Variants in XIRP2 observed in about 807,000 individuals in gnomAD.
XIRP2 encodes the protein xin actin binding repeat containing 2.
Under a neutral mutation model 277.0 loss-of-function variants are expected in XIRP2, and 236 were observed. The observed-to-expected ratio is 0.85, with a 90% CI of 0.77 to 0.95. The LOEUF is 0.95. XIRP2 is among the 40% of genes least tolerant of loss of function. The probability of loss-of-function intolerance (pLI) is 0.00; values close to 1 mark genes in which losing one functional copy is unlikely to be tolerated. For missense variants in XIRP2, 4,640 were observed against 4,157.5 expected (o/e 1.12, Z -3.19); for synonymous variants, 1,490 against 1,416.5 (o/e 1.05, Z -1.17).
At chr2:166,935,090 C>G (rs1685456624) in intron 2 of XIRP2, among the ~76,000 whole-genome samples, 2 of 151,286 alleles carry the variant, frequency 1.3e-5, no homozygotes, top group South Asian at 4.2e-4. Flanking sequence ...TTATTAAATA[C>G]TTTCAGAGGA....
intron 2 of XIRP2, among the ~76,000 whole-genome samples, chr2:166,958,970 C>T (rs1405893681): frequency 1.3e-5 from 2 of 151,770 alleles, no homozygotes; most frequent in Non-Finnish European, 2.9e-5. Context: ...AGCACAGACT[C>T]CTCTGCCTTT....
intron 4 of XIRP2, among the ~76,000 whole-genome samples, chr2:167,214,002 T>A (rs1173583913): frequency 6.6e-6 from 1 of 151,002 alleles, no homozygotes. Flanking sequence ...GTGGATCACC[T>A]GAGGTCAGCA....
At chr2:167,072,994 TTGAAACAACTA>T (rs1689472346) in intron 2 of XIRP2, among the ~76,000 whole-genome samples, 1 of 152,156 alleles carries the variant, frequency 6.6e-6, no homozygotes, top group African/African-American at 2.4e-5. Context: ...AAGTAAAATT[TTGAAACAACTA>T]TGATACAACC....
intron 9 of XIRP2, 150 bp downstream of exon 9, chr2:167,252,097 T>C (rs1399749943): frequency 8.3e-7 from 1 of 1,210,750 alleles, no homozygotes; most frequent in African/African-American, 1.5e-5. Flanking sequence ...TTATAGACTC[T>C]TTATATGCTT....
chr2:166,973,818 C>A (rs148927326), intron 2 of XIRP2, among the ~76,000 whole-genome samples: 1 of 152,282 alleles, frequency 6.6e-6, no homozygotes, highest in East Asian at 1.9e-4. Context: ...AATAAATATT[C>A]TTGAAAATGT....
chr2:167,220,700 T>TG (rs539772047), intron 5 of XIRP2, among the ~76,000 whole-genome samples: 90 of 152,318 alleles, frequency 5.9e-4, no homozygotes, highest in African/African-American at 2.1e-3. Flanking sequence ...GGAATATACA[T>TG]GCTCCTTACA....
intron 3 of XIRP2, among the ~76,000 whole-genome samples, chr2:167,208,907 A>G (rs542764787): frequency 3.3e-5 from 5 of 152,344 alleles, no homozygotes; most frequent in Admixed American, 6.5e-5. Context: ...AAGTAAGAAC[A>G]GCACAGCTGA....
At chr2:167,158,257 A>G (rs894855515) in intron 3 of XIRP2, among the ~76,000 whole-genome samples, 3 of 152,224 alleles carry the variant, frequency 2.0e-5, no homozygotes, top group Non-Finnish European at 4.4e-5. Context: ...CTCATTTACA[A>G]CTATAAATGC....
chr2:167,183,104 T>C (rs1435713336), intron 3 of XIRP2, among the ~76,000 whole-genome samples: 1 of 152,186 alleles, frequency 6.6e-6, no homozygotes, highest in East Asian at 1.9e-4. Flanking sequence ...GGACCTAATG[T>C]CGTATATCAA....
chr2:166,976,792 T>C (rs1444906945), intron 2 of XIRP2, among the ~76,000 whole-genome samples: 1 of 152,196 alleles, frequency 6.6e-6, no homozygotes, highest in East Asian at 1.9e-4. Context: ...AATCTATACA[T>C]ACCCACTATA....
At chr2:167,018,217 T>A (rs1687884057) in intron 2 of XIRP2, among the ~76,000 whole-genome samples, 1 of 152,024 alleles carries the variant, frequency 6.6e-6, no homozygotes, top group Non-Finnish European at 1.5e-5. Flanking sequence ...ATGTGGAAGT[T>A]CCCCAGTACC....
At chr2:167,094,935 C>T (rs1375579176) in intron 2 of XIRP2, among the ~76,000 whole-genome samples, 1 of 152,136 alleles carries the variant, frequency 6.6e-6, no homozygotes, top group East Asian at 1.9e-4. Flanking sequence ...TATATTGTTT[C>T]TTCCTATCCA....
At position 167,098,971 on chromosome 2, in the gene XIRP2, G is replaced by A. The variant is rs146834611; in HGVS notation, c.409-36938G>A. Among the ~76,000 whole-genome samples, 877 of 152,296 alleles carry A rather than the reference G, an allele frequency of 5.8e-3. 3 individuals are homozygous for A. Among genetic ancestry groups the A allele is most frequent in the Middle Eastern group, 0.024 (7 of 294 alleles). The stretch of plus-strand genomic sequence containing the variant: ...GCCAGCCAGAGCTCTCCTGTATGAG[G>A]TGTCTGTCGACCCCTGCTAGGAGGT... On this transcript the variant is annotated intron_variant, in intron 2 of 10. Coordinates refer to ENST00000409195, the MANE Select transcript of XIRP2 (RefSeq NM_152381.6).
chr2:166,965,910 T>TA (rs1686421260), intron 2 of XIRP2, among the ~76,000 whole-genome samples: 1 of 151,848 alleles, frequency 6.6e-6, no homozygotes, highest in Non-Finnish European at 1.5e-5. Flanking sequence ...CTTTTTTTTT[T>TA]ACTCAGAAGT....
intron 2 of XIRP2, among the ~76,000 whole-genome samples, chr2:167,017,004 G>T (rs182663874): frequency 4.0e-5 from 6 of 151,860 alleles, no homozygotes; most frequent in Admixed American, 1.3e-4. Context: ...GCTTGGTCTG[G>T]GTGTCAGTCA....
At chr2:167,170,309 G>A (rs1027050179) in intron 3 of XIRP2, among the ~76,000 whole-genome samples, 1 of 151,752 alleles carries the variant, frequency 6.6e-6, no homozygotes, top group Non-Finnish European at 1.5e-5. Flanking sequence ...GGGTTAGGTA[G>A]GCTTCAAAAA....
intron 2 of XIRP2, among the ~76,000 whole-genome samples, chr2:167,046,521 C>G (rs923651563): frequency 6.6e-6 from 1 of 151,948 alleles, no homozygotes; most frequent in Non-Finnish European, 1.5e-5. Context: ...TGGAATCAAC[C>G]TAGATGCCCA....
chr2:167,010,682 T>C (rs1479844197), intron 2 of XIRP2, among the ~76,000 whole-genome samples: 2 of 152,172 alleles, frequency 1.3e-5, no homozygotes, highest in Non-Finnish European at 2.9e-5. Flanking sequence ...TTTCAAGATA[T>C]TGATTCTTCC....
intron 2 of XIRP2, among the ~76,000 whole-genome samples, chr2:166,958,781 G>A (rs901973328): frequency 6.6e-6 from 1 of 151,728 alleles, no homozygotes; most frequent in African/African-American, 2.4e-5. Context: ...TTCTTGCCAT[G>A]TCTTTTTCCC....
Sources: gnomAD v4.1 joint callset for allele counts (sites outside exome capture counted in the v4.1 genomes callset) on GRCh38, gnomAD v4.1.1 for gene constraint, MANE v1.5 for transcripts, NCBI Gene and HGNC (gene_info 2026-07-23, HGNC 2026-07-21) for gene names.